The following KIAA1217 variants were observed in gnomAD, a reference collection of about 807,000 sequenced individuals.
KIAA1217 encodes sickle tail protein homolog.
KIAA1217 carries 88 observed loss-of-function variants against 163.9 expected under a neutral mutation model. The observed-to-expected ratio is 0.54, with a 90% CI of 0.45 to 0.64. The LOEUF is 0.64. KIAA1217 is among the 30% of genes least tolerant of loss of function. The pLI, the probability that KIAA1217 is intolerant of heterozygous loss-of-function variation, is 0.00. For synonymous variants in KIAA1217, 903 were observed against 923.1 expected (o/e 0.98, Z 0.39); for missense variants, 2,372 against 2,475.0 (o/e 0.96, Z 0.88).
intron 3 of KIAA1217, among the ~76,000 whole-genome samples, chr10:24,404,495 A>T (rs2056962427): frequency 7.3e-6 from 1 of 137,176 alleles, no homozygotes; most frequent in South Asian, 2.5e-4. Context: ...TGAACCCGGG[A>T]GGCAGAGGTT....
intron 1 of KIAA1217, among the ~76,000 whole-genome samples, chr10:23,860,235 A>C (rs1236051361): frequency 1.4e-5 from 2 of 142,724 alleles, no homozygotes; most frequent in Non-Finnish European, 2.9e-5. Flanking sequence ...AGGTAAATGC[A>C]CATTTTTTTT....
At chr10:24,075,947 T>G (rs1448279995) in intron 2 of KIAA1217, among the ~76,000 whole-genome samples, 1 of 152,070 alleles carries the variant, frequency 6.6e-6, no homozygotes, top group African/African-American at 2.4e-5. Context: ...TTAATTTTTT[T>G]TTTCAAATTC....
chr10:24,520,681 C>CAAAA (rs1232348396), intron 11 of KIAA1217, among the ~76,000 whole-genome samples: 4 of 96,836 alleles, frequency 4.1e-5, no homozygotes, highest in African/African-American at 1.4e-4. Flanking sequence ...TATATACACA[C>CAAAA]ACACACAAAA....
chr10:24,540,514 G>T (rs1000012527), intron 17 of KIAA1217, among the ~76,000 whole-genome samples: 5 of 152,152 alleles, frequency 3.3e-5, no homozygotes, highest in Non-Finnish European at 4.4e-5. Flanking sequence ...TTACAGGTGT[G>T]AGCCACCATG....
chr10:24,355,259 C>A (rs1046524029), intron 2 of KIAA1217, among the ~76,000 whole-genome samples: 2 of 152,204 alleles, frequency 1.3e-5, no homozygotes, highest in Non-Finnish European at 2.9e-5. Flanking sequence ...CAGATGCTAA[C>A]ATCTGTCACA....
At chr10:24,390,676 G>A (rs1054492147) in intron 3 of KIAA1217, among the ~76,000 whole-genome samples, 2 of 152,188 alleles carry the variant, frequency 1.3e-5, no homozygotes, top group Admixed American at 1.3e-4. Flanking sequence ...CGCACTTGAT[G>A]TAATGAATGT....
At chr10:24,427,376 G>C (rs893586306) in intron 3 of KIAA1217, among the ~76,000 whole-genome samples, 16 of 152,312 alleles carry the variant, frequency 1.1e-4, no homozygotes, top group African/African-American at 3.8e-4. Flanking sequence ...TGCCCTGAGA[G>C]GATGCTTGCA....
At chr10:24,499,697 AC>A (rs140176622) in intron 8 of KIAA1217, among the ~76,000 whole-genome samples, 4,759 of 152,232 alleles carry the variant, frequency 0.031, 175 homozygotes, top group East Asian at 0.12. Context: ...ATGCCACTGC[AC>A]TCCAGCCTGG....
At chr10:23,958,754 T>C (rs1375407624) in intron 1 of KIAA1217, among the ~76,000 whole-genome samples, 3 of 152,006 alleles carry the variant, frequency 2.0e-5, no homozygotes, top group Non-Finnish European at 4.4e-5. Flanking sequence ...AAATGGGGAA[T>C]TTACAGGCTC....
intron 2 of KIAA1217, among the ~76,000 whole-genome samples, chr10:24,121,010 G>A (rs1013918505): frequency 5.9e-5 from 9 of 152,146 alleles, no homozygotes; most frequent in Non-Finnish European, 1.3e-4. Context: ...GGTAATAGAG[G>A]CAGCTCATTC....
At chr10:24,312,907 C>T (rs1425671097) in intron 2 of KIAA1217, among the ~76,000 whole-genome samples, 1 of 152,078 alleles carries the variant, frequency 6.6e-6, no homozygotes, top group Non-Finnish European at 1.5e-5. Flanking sequence ...CAGCGCACAT[C>T]CTTGTCTCAA....
chr10:24,464,479 T>C (rs989690459), intron 5 of KIAA1217, among the ~76,000 whole-genome samples: 1 of 152,130 alleles, frequency 6.6e-6, no homozygotes, highest in African/African-American at 2.4e-5. Context: ...TCTTGTGGTT[T>C]TACCCTTTGT....
chr10:24,158,443 A>G (rs1376028756), intron 2 of KIAA1217: 10 of 562,226 alleles, frequency 1.8e-5, no homozygotes, highest in Non-Finnish European at 3.5e-5. Flanking sequence ...CATGATGTCT[A>G]ACACAGGAAA....
At position 24,542,864 on chromosome 10, in the gene KIAA1217, C is replaced by A; in HGVS notation, c.3613-19C>A. ...GCTGATTAACGTGTGTGGTTTCCCT[C>A]CTCCGTTCTCCCTCTCAGGTTACCA... is the stretch of plus-strand genomic sequence containing the variant. On this transcript the variant is annotated intron_variant, in intron 18 of 20. Transcript: ENST00000376454. 1 of 1,609,168 alleles carries A rather than the reference C, an allele frequency of 6.2e-7. No individual in the cohort carries two copies. Among genetic ancestry groups the A allele is most frequent in the Non-Finnish European group, 8.5e-7 (1 of 1,176,998 alleles).
chr10:23,999,933 G>A (rs1304152945), intron 1 of KIAA1217, among the ~76,000 whole-genome samples: 2 of 152,058 alleles, frequency 1.3e-5, no homozygotes, highest in Non-Finnish European at 2.9e-5. Context: ...TGGGGATGTT[G>A]GCACAAGTCT....
At chr10:23,766,543 A>T (rs1207586044) in intron 1 of KIAA1217, among the ~76,000 whole-genome samples, 1 of 147,166 alleles carries the variant, frequency 6.8e-6, no homozygotes. Flanking sequence ...AGAACACATC[A>T]TTCTTTCTTT....
intron 3 of KIAA1217, among the ~76,000 whole-genome samples, chr10:24,401,392 C>T (rs1365983975): frequency 6.6e-6 from 1 of 152,040 alleles, no homozygotes; most frequent in Non-Finnish European, 1.5e-5. Context: ...AATAATACAT[C>T]ACAACCAAGC....
At chr10:24,359,856 AC>A (rs1181011072) in intron 2 of KIAA1217, among the ~76,000 whole-genome samples, 2 of 151,910 alleles carry the variant, frequency 1.3e-5, no homozygotes, top group Non-Finnish European at 2.9e-5. Context: ...TCTTAGTGTG[AC>A]TTATAAAGTC....
At chr10:23,801,601 T>C (rs1197799122) in intron 1 of KIAA1217, among the ~76,000 whole-genome samples, 1 of 152,196 alleles carries the variant, frequency 6.6e-6, no homozygotes, top group African/African-American at 2.4e-5. Flanking sequence ...GAGTAGGGAC[T>C]CCTTTAAGAA....
Sources: allele counts gnomAD v4.1 joint callset (sites outside exome capture counted in the v4.1 genomes callset), GRCh38; gene constraint gnomAD v4.1.1; transcripts MANE v1.5; gene names NCBI Gene and HGNC (gene_info 2026-07-23, HGNC 2026-07-21).